NRG1: variants seen among roughly 807,000 people sequenced by gnomAD.
NRG1 encodes pro-neuregulin-1, membrane-bound isoform.
In NRG1, 18 loss-of-function variants were observed where a neutral mutation model predicts 63.8. That is an observed-to-expected ratio of 0.28 (90% CI 0.19 to 0.42). The LOEUF is 0.42. Among genes scored for constraint, NRG1 ranks in the 10% least tolerant of loss-of-function variants. The pLI, the probability that NRG1 is intolerant of heterozygous loss-of-function variation, is 1.00. For missense variants in NRG1, 762 were observed against 814.7 expected (o/e 0.94, Z 0.79); for synonymous variants, 302 against 301.3 (o/e 1.00, Z -0.02).
intron 1 of NRG1, among the ~76,000 whole-genome samples, chr8:31,751,089 G>T (rs985599653): frequency 2.0e-5 from 3 of 151,984 alleles, no homozygotes; most frequent in African/African-American, 7.2e-5. Context: ...TAAGGCAGCA[G>T]TATTCTAGGT....
At chr8:32,680,584 A>C (rs1023716601) in intron 5 of NRG1, among the ~76,000 whole-genome samples, 28 of 152,160 alleles carry the variant, frequency 1.8e-4, no homozygotes, top group Non-Finnish European at 2.9e-4. Context: ...TAATGATAGC[A>C]ATGGTAACCA....
intron 1 of NRG1, among the ~76,000 whole-genome samples, chr8:31,974,989 C>T (rs1182801826): frequency 6.6e-6 from 1 of 152,166 alleles, no homozygotes; most frequent in Non-Finnish European, 1.5e-5. Flanking sequence ...TGCTTTCAGT[C>T]TATGCTGGGT....
At chr8:32,338,750 G>C (rs185559026) in intron 1 of NRG1, among the ~76,000 whole-genome samples, 6 of 152,306 alleles carry the variant, frequency 3.9e-5, no homozygotes, top group Admixed American at 3.9e-4. Context: ...TCAATTAAAT[G>C]TTTACCACTT....
chr8:32,502,283 C>T (rs752449959), intron 1 of NRG1, among the ~76,000 whole-genome samples: 4 of 150,894 alleles, frequency 2.7e-5, no homozygotes, highest in Non-Finnish European at 5.9e-5. Context: ...CCAGATCTTA[C>T]GAGAACTCGG....
chr8:32,353,163 A>T (rs896317717), intron 1 of NRG1, among the ~76,000 whole-genome samples: 1 of 150,680 alleles, frequency 6.6e-6, no homozygotes, highest in Non-Finnish European at 1.5e-5. Context: ...AAGCAACTTA[A>T]AGCTATAAAA....
At chr8:32,076,300 AT>A (rs1226989059) in intron 1 of NRG1, among the ~76,000 whole-genome samples, 5 of 152,196 alleles carry the variant, frequency 3.3e-5, no homozygotes, top group African/African-American at 7.2e-5. Flanking sequence ...TTTATTGACC[AT>A]TTTTGGTTGG....
rs1415012765 is a variant in NRG1 at position 31,834,333 on chromosome 8, A to ACACACG, written c.37+194905_37+194906insACGCAC. On this transcript the variant is annotated intron_variant, in intron 1 of 10. Transcript: ENST00000519301. ...CACACACACACACACACACACACGC[A>ACACACG]CACCAATTTGTTTAAAATAAAAAAA... is the stretch of plus-strand genomic sequence containing the variant. Among the ~76,000 whole-genome samples, 906 of 151,314 alleles carry ACACACG rather than the reference A, an allele frequency of 6.0e-3. 22 individuals carry two copies. The South Asian group carries it at 0.085, about 14-fold the overall frequency.
At chr8:31,854,659 G>C (rs996202008) in intron 1 of NRG1, among the ~76,000 whole-genome samples, 2 of 152,004 alleles carry the variant, frequency 1.3e-5, no homozygotes, top group Non-Finnish European at 2.9e-5. Context: ...GCTAGCTTTT[G>C]AATGTGTTTG....
At chr8:32,142,968 T>C (rs544083628) in intron 1 of NRG1, among the ~76,000 whole-genome samples, 1 of 152,210 alleles carries the variant, frequency 6.6e-6, no homozygotes. Context: ...AAGGTCTTAG[T>C]GTGGTAAACG....
At chr8:31,862,818 C>T (rs1280363202) in intron 1 of NRG1, among the ~76,000 whole-genome samples, 1 of 152,088 alleles carries the variant, frequency 6.6e-6, no homozygotes, top group Non-Finnish European at 1.5e-5. Flanking sequence ...AAGGGAAAAA[C>T]AGAAAAAGTC....
chr8:32,226,741 T>C (rs111856382), intron 1 of NRG1, among the ~76,000 whole-genome samples: 64 of 152,200 alleles, frequency 4.2e-4, no homozygotes, highest in African/African-American at 1.5e-3. Flanking sequence ...AACATGAGAA[T>C]GGGAGAAATA....
intron 5 of NRG1, among the ~76,000 whole-genome samples, chr8:32,654,406 A>T (rs1173148686): frequency 6.6e-6 from 1 of 152,078 alleles, no homozygotes; most frequent in Admixed American, 6.5e-5. Flanking sequence ...AGGTGGGAGG[A>T]TCACCTGAGG....
chr8:31,699,370 G>A (rs1049553658), intron 1 of NRG1, among the ~76,000 whole-genome samples: 1 of 151,964 alleles, frequency 6.6e-6, no homozygotes, highest in Non-Finnish European at 1.5e-5. Flanking sequence ...CAAAGAAGAC[G>A]GTGAAGATGT....
intron 1 of NRG1, among the ~76,000 whole-genome samples, chr8:32,089,160 A>G (rs1020902608): frequency 2.3e-4 from 35 of 152,302 alleles, no homozygotes; most frequent in African/African-American, 8.2e-4. Context: ...GACTTCTGTC[A>G]TTGCACGCAG....
At chr8:31,722,459 C>G (rs1440326447) in intron 1 of NRG1, among the ~76,000 whole-genome samples, 1 of 151,960 alleles carries the variant, frequency 6.6e-6, no homozygotes, top group Non-Finnish European at 1.5e-5. Flanking sequence ...GCACAGAGTC[C>G]CCAGGGTATA....
intron 1 of NRG1, among the ~76,000 whole-genome samples, chr8:32,016,064 G>T (rs1457735784): frequency 1.3e-5 from 2 of 151,796 alleles, no homozygotes; most frequent in Non-Finnish European, 2.9e-5. Context: ...TATATTTTTT[G>T]GAAAAACAAA....
chr8:31,785,422 A>T (rs879945660), intron 1 of NRG1, among the ~76,000 whole-genome samples: 1 of 152,194 alleles, frequency 6.6e-6, no homozygotes, highest in Non-Finnish European at 1.5e-5. Context: ...TGAGCTTGTG[A>T]TAAAGAGCAG....
intron 1 of NRG1, among the ~76,000 whole-genome samples, chr8:32,381,947 T>C (rs1810411527): frequency 6.6e-6 from 1 of 152,170 alleles, no homozygotes; most frequent in Non-Finnish European, 1.5e-5. Context: ...TGAAAAGCAT[T>C]TTAAAAGTGA....
At chr8:31,952,704 T>C (rs1803667349) in intron 1 of NRG1, among the ~76,000 whole-genome samples, 1 of 152,258 alleles carries the variant, frequency 6.6e-6, no homozygotes, top group Non-Finnish European at 1.5e-5. Context: ...TGACATCTAA[T>C]GAACAGGTGG....
Sources: allele counts gnomAD v4.1 joint callset (sites outside exome capture counted in the v4.1 genomes callset), GRCh38; gene constraint gnomAD v4.1.1; transcripts MANE v1.5; gene names NCBI Gene and HGNC (gene_info 2026-07-23, HGNC 2026-07-21).